CMSS1: variants seen among roughly 807,000 people sequenced by gnomAD.
CMSS1 encodes cms1 ribosomal small subunit homolog.
A neutral mutation model predicts 43.5 loss-of-function variants in CMSS1; 33 were observed. The ratio of observed to expected loss-of-function variants is 0.76; its 90% CI spans 0.57 to 1.01. The LOEUF is 1.01. CMSS1 is among the 50% of genes least tolerant of loss of function. The pLI is 0.00. For synonymous variants in CMSS1, 115 were observed against 117.2 expected (o/e 0.98, Z 0.12); for missense variants, 313 against 326.4 (o/e 0.96, Z 0.32).
Position 99,847,688 on chromosome 3 carries a change from A to G in CMSS1, c.64+29645A>G, listed in dbSNP as rs1943430273. Among the ~76,000 whole-genome samples, 4 of 152,176 alleles carry G rather than the reference A, an allele frequency of 2.6e-5. No individual in the cohort carries two copies. In the South Asian group the frequency reaches 8.3e-4, roughly 31 times the overall value. On this transcript the variant is annotated intron_variant, in intron 1 of 9. Coordinates refer to ENST00000421999, the MANE Select transcript of CMSS1 (RefSeq NM_032359.4). Reference sequence around the variant, plus strand: ...ATACTGAAATATATCCCAAGCATGAAGTTATGTTTGCTTCTGAAAGATCTT... The same window carrying G: ...ATACTGAAATATATCCCAAGCATGAGGTTATGTTTGCTTCTGAAAGATCTT...
intron 1 of CMSS1, among the ~76,000 whole-genome samples, chr3:99,969,099 GA>G (rs1383469484): frequency 5.9e-5 from 9 of 152,164 alleles, no homozygotes; most frequent in African/African-American, 1.9e-4. Flanking sequence ...TGGGAGTGCT[GA>G]AAAGGGGGGC....
chr3:99,894,822 G>A (rs1043662158), intron 1 of CMSS1, among the ~76,000 whole-genome samples: 2 of 152,188 alleles, frequency 1.3e-5, no homozygotes, highest in African/African-American at 2.4e-5. Flanking sequence ...AGGTTTATAT[G>A]TACTCCTATT....
In CMSS1 at chr3:99,874,929, T is replaced by C. The variant is rs150493540; in HGVS notation, c.64+56886T>C. On this transcript the variant is annotated intron_variant, in intron 1 of 9. Coordinates refer to ENST00000421999, the MANE Select transcript of CMSS1 (RefSeq NM_032359.4). ...CTTATATGGTCATTTTAGTGCCAAC[T>C]AAAATGCCAGCATTTTAAAATCTCA... Among the ~76,000 whole-genome samples, 5 of 152,358 alleles carry C rather than the reference T, an allele frequency of 3.3e-5. No individual in the cohort carries two copies. In the East Asian group the frequency reaches 9.6e-4, roughly 29 times the overall value.
At chr3:99,913,925 GAA>G (rs1473195465) in intron 1 of CMSS1, among the ~76,000 whole-genome samples, 2 of 152,192 alleles carry the variant, frequency 1.3e-5, no homozygotes, top group Non-Finnish European at 2.9e-5. Context: ...GTGTTACTGA[GAA>G]ATTCATGGAA....
chr3:100,133,326 T>A (rs184759282), intron 1 of CMSS1, among the ~76,000 whole-genome samples: 1 of 152,254 alleles, frequency 6.6e-6, no homozygotes, highest in East Asian at 1.9e-4. Context: ...ATTCCAGACA[T>A]GTAAAGCTAT....
chr3:100,159,402 A>C (rs1040063083), intron 2 of CMSS1, among the ~76,000 whole-genome samples: 1 of 152,218 alleles, frequency 6.6e-6, no homozygotes, highest in Non-Finnish European at 1.5e-5. Flanking sequence ...TTCAGGCCAT[A>C]GACATTCTCA....
chr3:99,824,511 A>G (rs1392568653), intron 1 of CMSS1, among the ~76,000 whole-genome samples: 2 of 152,226 alleles, frequency 1.3e-5, no homozygotes, highest in Admixed American at 1.3e-4. Context: ...GTATCTGGAT[A>G]CAGCGAAGGC....
At chr3:100,163,644 CCT>C (rs2067044016) in intron 4 of CMSS1, among the ~76,000 whole-genome samples, 1 of 152,142 alleles carries the variant, frequency 6.6e-6, no homozygotes, top group Non-Finnish European at 1.5e-5. Flanking sequence ...TTAAGTGGAT[CCT>C]CTCATCTCAG....
chr3:100,167,690 C>T, intron 5 of CMSS1, 48 bp from the exon 6 acceptor site: 1 of 1,211,466 alleles, frequency 8.3e-7, no homozygotes. Flanking sequence ...GGGAGGTGTG[C>T]CCTGTTTTGC....
At chr3:99,927,510 C>G (rs1415945868) in intron 1 of CMSS1, among the ~76,000 whole-genome samples, 1 of 152,024 alleles carries the variant, frequency 6.6e-6, no homozygotes, top group Non-Finnish European at 1.5e-5. Flanking sequence ...GCTGGGATTA[C>G]AGGCATGTGC....
intron 1 of CMSS1, among the ~76,000 whole-genome samples, chr3:99,822,039 C>G (rs1319447908): frequency 2.0e-5 from 3 of 151,872 alleles, no homozygotes; most frequent in Non-Finnish European, 4.4e-5. Flanking sequence ...GACTGAGACT[C>G]TGTCTCAAAA....
chr3:100,050,669 T>A (rs1017287464), intron 1 of CMSS1, among the ~76,000 whole-genome samples: 2 of 152,152 alleles, frequency 1.3e-5, no homozygotes, highest in East Asian at 3.8e-4. Context: ...TAGCTGGGAT[T>A]ACAGGTGTGC....
At chr3:100,039,330 C>T (rs2065162169) in intron 1 of CMSS1, among the ~76,000 whole-genome samples, 1 of 151,966 alleles carries the variant, frequency 6.6e-6, no homozygotes, top group Admixed American at 6.6e-5. Flanking sequence ...GAAGTACAGC[C>T]AAGACTCACC....
chr3:99,885,277 G>A (rs1230067518), intron 1 of CMSS1, among the ~76,000 whole-genome samples: 1 of 152,140 alleles, frequency 6.6e-6, no homozygotes, highest in Admixed American at 6.6e-5. Flanking sequence ...ATGCTTGTAG[G>A]GCTATTTCAT....
chr3:99,997,697 A>G (rs776014580), intron 1 of CMSS1, among the ~76,000 whole-genome samples: 1 of 152,252 alleles, frequency 6.6e-6, no homozygotes, highest in Non-Finnish European at 1.5e-5. Flanking sequence ...TGAATAATAG[A>G]GCAGATTTAT....
chr3:99,838,042 A>C (rs1162688221), intron 1 of CMSS1, among the ~76,000 whole-genome samples: 1 of 152,210 alleles, frequency 6.6e-6, no homozygotes, highest in East Asian at 1.9e-4. Context: ...TCTGAGGCTA[A>C]TCAGGTACCT....
chr3:99,866,231 T>C lies in CMSS1; in HGVS notation c.64+48188T>C, dbSNP rs559798539. On this transcript the variant is annotated intron_variant, in intron 1 of 9. Coordinates refer to ENST00000421999, the MANE Select transcript of CMSS1 (RefSeq NM_032359.4). Reference sequence around the variant, plus strand: ...CTTTCTTACCTTAATTGTTGTTCAGTTCACCACATTTAATAAAAAGCCAAA... The same window carrying C: ...CTTTCTTACCTTAATTGTTGTTCAGCTCACCACATTTAATAAAAAGCCAAA... Among the ~76,000 whole-genome samples the C allele has an allele frequency of 1.4e-4, 21 of 152,234 alleles. No individual in the cohort carries two copies. In the South Asian group the frequency reaches 2.3e-3, roughly 17 times the overall value.
intron 1 of CMSS1, among the ~76,000 whole-genome samples, chr3:100,046,835 C>T (rs1208840300): frequency 6.6e-6 from 1 of 152,154 alleles, no homozygotes; most frequent in East Asian, 1.9e-4. Flanking sequence ...AGTAAGTGCT[C>T]AGTGAGTGGT....
chr3:99,855,174 C>T (rs1481872179), intron 1 of CMSS1, among the ~76,000 whole-genome samples: 1 of 152,148 alleles, frequency 6.6e-6, no homozygotes, highest in African/African-American at 2.4e-5. Flanking sequence ...GTATTCCTGA[C>T]CTACATGACC....
Sources: gnomAD v4.1 joint callset for allele counts (sites outside exome capture counted in the v4.1 genomes callset) on GRCh38, gnomAD v4.1.1 for gene constraint, MANE v1.5 for transcripts, NCBI Gene and HGNC (gene_info 2026-07-23, HGNC 2026-07-21) for gene names.